Variants in DENND2B observed in about 807,000 individuals in gnomAD.
The protein encoded by DENND2B is DENN domain-containing protein 2B.
DENND2B carries 32 observed loss-of-function variants against 116.0 expected under a neutral mutation model. The ratio of observed to expected loss-of-function variants is 0.28; its 90% CI spans 0.21 to 0.37. The LOEUF is 0.37. Among genes scored for constraint, DENND2B ranks in the 10% least tolerant of loss-of-function variants. The pLI is 1.00. For missense variants in DENND2B, 1,276 were observed against 1,477.7 expected, an observed-to-expected ratio of 0.86 and a Z score of 2.24; for synonymous variants, 588 against 583.9, an observed-to-expected ratio of 1.01 and a Z score of -0.10.
intron 1 of DENND2B, chr11:8,776,186 A>ACACACACACC (rs761084725): frequency 4.6e-4 from 204 of 442,730 alleles, no homozygotes; most frequent in Middle Eastern, 2.5e-3. Flanking sequence ...ACACACACAC[A>ACACACACACC]CCTACCTCTC....
intron 2 of DENND2B, among the ~76,000 whole-genome samples, chr11:8,859,346 C>T (rs2063313163): frequency 6.6e-6 from 1 of 152,154 alleles, no homozygotes; most frequent in South Asian, 2.1e-4. Context: ...CTCCCTCTCT[C>T]GCCCAGGCTG....
chr11:8,802,299 G>GA lies in DENND2B; in HGVS notation c.-26+8217dup, dbSNP rs35492912. 8.4e-4 allele frequency among the ~76,000 whole-genome samples: 122 copies of GA among 144,538 alleles called. 1 individual carries two copies. The highest frequency in any genetic ancestry group is 1.5e-3 in the African/African-American group (57 of 39,234). The allele number at this position is 144,538 out of a possible 152,430, so 94.8% of individuals were successfully genotyped here. On this transcript the variant is annotated intron_variant, in intron 1 of 19. Transcript: ENST00000313726. ...CTGGGCGACAGTGAGACTCTGTCTG[G>GA]AAAAAAAAAAAAGGAACTAAACACT...
intron 1 of DENND2B, among the ~76,000 whole-genome samples, chr11:8,789,714 A>G (rs2059210551): frequency 6.6e-6 from 1 of 152,170 alleles, no homozygotes; most frequent in African/African-American, 2.4e-5. Flanking sequence ...CATGTTAAGA[A>G]ATAAGAAGTG....
intron 1 of DENND2B, among the ~76,000 whole-genome samples, chr11:8,889,738 G>A (rs1285714356): frequency 5.9e-5 from 9 of 152,200 alleles, no homozygotes; most frequent in Admixed American, 2.0e-4. Flanking sequence ...TAAACAAAGC[G>A]GCCAGGAAGC....
chr11:8,698,604 C>T (rs2040893622), intron 16 of DENND2B, among the ~76,000 whole-genome samples: 1 of 152,190 alleles, frequency 6.6e-6, no homozygotes, highest in Admixed American at 6.5e-5. Context: ...CAGGTGTTGT[C>T]ACCACCTCTC....
At position 8,707,362 on chromosome 11, in the gene DENND2B, A is replaced by T; in HGVS notation, c.2431-137T>A. On this transcript the variant is annotated intron_variant, in intron 12 of 19. Coordinates refer to ENST00000313726, the MANE Select transcript of DENND2B (RefSeq NM_213618.2). This position sits in a 1 kb window ranked among gnomAD's most constrained non-coding sequence, Gnocchi z 4.8. ...GAGACGGGAAGGTGGTCTTGCCATG[A>T]TCTGCACACTCTACCCTTCCCGTTT... 1 of 1,135,088 alleles carries T rather than the reference A, an allele frequency of 8.8e-7. No individual in the cohort carries two copies. The highest frequency in any genetic ancestry group is 1.7e-5 in the South Asian group (1 of 60,272). The allele number at this position is 1,135,088 out of a possible 1,614,324, so 70.3% of individuals were successfully genotyped here. A position where few individuals can be genotyped will look rare whatever the true frequency, so the allele number is the denominator to read the frequency against.
At chr11:8,725,937 C>T in intron 4 of DENND2B, 136 bp downstream of exon 4, 2 of 1,286,766 alleles carry the variant, frequency 1.6e-6, no homozygotes, top group Admixed American at 4.0e-5. Context: ...CCCCTGATGT[C>T]CCATTCCAGG....
chr11:8,823,289 G>A (rs1248313718), intron 4 of DENND2B, among the ~76,000 whole-genome samples: 3 of 152,202 alleles, frequency 2.0e-5, no homozygotes, highest in Admixed American at 6.5e-5. Flanking sequence ...CCGGCAGCTG[G>A]ATGGACTGGT....
chr11:8,893,855 T>A (rs186742039), intron 1 of DENND2B, among the ~76,000 whole-genome samples: 1 of 152,214 alleles, frequency 6.6e-6, no homozygotes, highest in African/African-American at 2.4e-5. Flanking sequence ...GCCATCCCCA[T>A]GAAGCTACCA....
intron 1 of DENND2B, among the ~76,000 whole-genome samples, chr11:8,795,826 T>C (rs553881397): frequency 1.3e-5 from 2 of 152,332 alleles, no homozygotes; most frequent in African/African-American, 4.8e-5. Context: ...TCCAGCCTCA[T>C]CTTCCAACCC....
In DENND2B at chr11:8,712,019, G is replaced by T. The variant is rs545805043; in HGVS notation, c.2172+532C>A. ...GAAGGAGCCAGCAGCCACGTGAAGAGCTGGAGAAAGCACATTCCTGGCAGA... is the reference window on the plus strand; with the variant it reads ...GAAGGAGCCAGCAGCCACGTGAAGATCTGGAGAAAGCACATTCCTGGCAGA... On this transcript the variant is annotated intron_variant, in intron 9 of 19. Transcript: ENST00000313726. The surrounding 1 kb of genome is among the most constrained non-coding windows in gnomAD (Gnocchi z 4.4). 131 of 455,766 alleles carry T rather than the reference G, an allele frequency of 2.9e-4. 4 individuals carry two copies. The highest frequency in any genetic ancestry group is 2.0e-3 in the South Asian group (129 of 64,520). 28.2% of individuals were successfully genotyped at this position (455,766 alleles called of 1,614,324 possible). A position where few individuals can be genotyped will look rare whatever the true frequency, so the allele number is the denominator to read the frequency against.
At chr11:8,808,041 T>C (rs1468434272) in intron 1 of DENND2B, 1 of 152,436 alleles carries the variant, frequency 6.6e-6, no homozygotes. Flanking sequence ...CTTCCATTCC[T>C]TGGCACAGTC....
Position 8,707,411 on chromosome 11 carries a change from T to G in DENND2B, c.2431-186A>C. On this transcript the variant is annotated intron_variant, in intron 12 of 19. Transcript: ENST00000313726. The surrounding 1 kb of genome is among the most constrained non-coding windows in gnomAD (Gnocchi z 4.8). ...TTTCCTTGGCACTCAGTGACTCCTC[T>G]GTTCCCTAACTGGCCTTGCTTCAGT... 1.3e-6 allele frequency: 1 copy of G among 791,706 alleles called. No individual in the cohort carries two copies. Among genetic ancestry groups the G allele is most frequent in the Non-Finnish European group, 1.9e-6 (1 of 516,874 alleles). The allele number at this position is 791,706 out of a possible 1,614,324, so 49.0% of individuals were successfully genotyped here. A position where few individuals can be genotyped will look rare whatever the true frequency, so the allele number is the denominator to read the frequency against.
At chr11:8,834,884 A>C (rs971169714) in intron 4 of DENND2B, among the ~76,000 whole-genome samples, 4 of 152,272 alleles carry the variant, frequency 2.6e-5, no homozygotes, top group African/African-American at 9.6e-5. Context: ...CTGTTTATAC[A>C]TAATAAAGAC....
chr11:8,887,395 C>T (rs1300870876), intron 1 of DENND2B, among the ~76,000 whole-genome samples: 1 of 152,104 alleles, frequency 6.6e-6, no homozygotes, highest in Non-Finnish European at 1.5e-5. Context: ...CTAGTATTTT[C>T]CCTCTCTCCC....
At chr11:8,803,241 C>T (rs1377629605) in intron 1 of DENND2B, among the ~76,000 whole-genome samples, 1 of 152,056 alleles carries the variant, frequency 6.6e-6, no homozygotes, top group African/African-American at 2.4e-5. Flanking sequence ...AAAAATTAGC[C>T]AGGTGTGGTG....
chr11:8,702,947 CG>C lies in DENND2B; in HGVS notation c.2572-228del. ...TGGGCAAGAGGGCTGCCTGTGAAAG[CG>C]GGGAAGGCTCCAGAAGGAAGGAGTT... On this transcript the variant is annotated intron_variant, in intron 13 of 19. Coordinates refer to ENST00000313726, the MANE Select transcript of DENND2B (RefSeq NM_213618.2). This position sits in a 1 kb window ranked among gnomAD's most constrained non-coding sequence, Gnocchi z 4.6. The C allele has an allele frequency of 1.8e-6, 1 of 554,776 alleles. No homozygotes were observed. Among genetic ancestry groups the C allele is most frequent in the Non-Finnish European group, 3.1e-6 (1 of 319,488 alleles). The allele number at this position is 554,776 out of a possible 1,614,324, so 34.4% of individuals were successfully genotyped here.
At chr11:8,700,310 C>T (rs1270663920) in intron 14 of DENND2B, among the ~76,000 whole-genome samples, 1 of 152,168 alleles carries the variant, frequency 6.6e-6, no homozygotes, top group African/African-American at 2.4e-5. Context: ...TTCACAAGGG[C>T]CTGATGGGCC....
At chr11:8,787,727 C>T (rs907182395) in intron 1 of DENND2B, among the ~76,000 whole-genome samples, 27 of 152,318 alleles carry the variant, frequency 1.8e-4, no homozygotes, top group African/African-American at 6.5e-4. Flanking sequence ...GCCAGGTAGG[C>T]CTTCTTTTCT....
Sources: gnomAD v4.1 joint callset for allele counts (sites outside exome capture counted in the v4.1 genomes callset) on GRCh38, gnomAD v4.1.1 for gene constraint, Gnocchi (gnomAD v3.1) non-coding constraint, MANE v1.5 for transcripts, NCBI Gene and HGNC (gene_info 2026-07-23, HGNC 2026-07-21) for gene names.